Variants in ZNF532 observed in about 807,000 individuals in gnomAD.
The protein encoded by ZNF532 is zinc finger protein 532.
In ZNF532, 22 loss-of-function variants were observed where a neutral mutation model predicts 89.3. The ratio of observed to expected loss-of-function variants is 0.25; its 90% CI spans 0.18 to 0.35. ZNF532 has a LOEUF of 0.35. Ranked by LOEUF, ZNF532 falls within the 10% of genes least tolerant of loss-of-function variation. The probability of loss-of-function intolerance (pLI) is 1.00; values close to 1 mark genes in which losing one functional copy is unlikely to be tolerated. For synonymous variants in ZNF532, 606 were observed against 649.6 expected, an observed-to-expected ratio of 0.93 and a Z score of 1.02; for missense variants, 1,132 against 1,643.4, an observed-to-expected ratio of 0.69 and a Z score of 5.38.
intron 2 of ZNF532, among the ~76,000 whole-genome samples, chr18:58,891,808 A>G (rs2058922267): frequency 6.6e-6 from 1 of 152,174 alleles, no homozygotes; most frequent in Admixed American, 6.6e-5. Flanking sequence ...TGTGATACTA[A>G]GTGCCAGCCT....
chr18:58,899,841 G>T (rs28721406), intron 2 of ZNF532, among the ~76,000 whole-genome samples: 4,256 of 152,150 alleles, frequency 0.028, 220 homozygotes, highest in African/African-American at 0.097. Flanking sequence ...CTCTTCTATC[G>T]TCTGTCTTTA....
intron 7 of ZNF532, among the ~76,000 whole-genome samples, chr18:58,955,544 C>T (rs918896486): frequency 2.6e-5 from 4 of 152,128 alleles, no homozygotes; most frequent in African/African-American, 9.7e-5. Context: ...ATTAAATGTG[C>T]TAAGAACTAT....
chr18:58,929,049 A>G (rs747390819), intron 3 of ZNF532, among the ~76,000 whole-genome samples: 2 of 152,218 alleles, frequency 1.3e-5, no homozygotes, highest in African/African-American at 2.4e-5. Context: ...ACAGAATGCT[A>G]TAGGTCTTTT....
At chr18:58,939,895 ATT>A (rs201906499) in intron 5 of ZNF532, 700 of 189,134 alleles carry the variant, frequency 3.7e-3, no homozygotes, top group South Asian at 9.4e-3. Context: ...CTTAAGATGA[ATT>A]TTTTTTTTTT....
At chr18:58,931,344 A>G (rs1206935217) in intron 3 of ZNF532, among the ~76,000 whole-genome samples, 1 of 152,222 alleles carries the variant, frequency 6.6e-6, no homozygotes, top group Admixed American at 6.5e-5. Context: ...ATTACAGGCC[A>G]CAAAGAGATC....
At chr18:58,898,137 G>A (rs567064857) in intron 2 of ZNF532, among the ~76,000 whole-genome samples, 3 of 152,300 alleles carry the variant, frequency 2.0e-5, no homozygotes, top group Admixed American at 6.5e-5. Flanking sequence ...TCTAAATAAT[G>A]TGCTTACATT....
intron 5 of ZNF532, among the ~76,000 whole-genome samples, chr18:58,944,407 G>C (rs2063479694): frequency 6.6e-6 from 1 of 151,468 alleles, no homozygotes; most frequent in African/African-American, 2.4e-5. Context: ...TTGTGGTGTA[G>C]TCACCCTGCT....
At chr18:58,962,095 G>A (rs1240863939) in intron 7 of ZNF532, among the ~76,000 whole-genome samples, 1 of 152,026 alleles carries the variant, frequency 6.6e-6, no homozygotes, top group Non-Finnish European at 1.5e-5. Context: ...GCATGGTGGC[G>A]GGCATCTGTA....
At chr18:58,917,120 A>AC (rs1216606194) in intron 2 of ZNF532, among the ~76,000 whole-genome samples, 2 of 151,300 alleles carry the variant, frequency 1.3e-5, no homozygotes, top group Non-Finnish European at 3.0e-5. Context: ...CTCTTCTCTC[A>AC]CTCTCTTCTC....
intron 7 of ZNF532, among the ~76,000 whole-genome samples, chr18:58,959,539 A>C (rs2065147323): frequency 6.6e-6 from 1 of 152,142 alleles, no homozygotes; most frequent in African/African-American, 2.4e-5. Context: ...GGCATGAGCC[A>C]GTGCACTCGG....
chr18:58,872,493 G>A (rs1244077182), intron 2 of ZNF532, among the ~76,000 whole-genome samples: 1 of 152,102 alleles, frequency 6.6e-6, no homozygotes, highest in Non-Finnish European at 1.5e-5. Flanking sequence ...AAAAAGGTTA[G>A]AAAATTCAAA....
chr18:58,979,286 A>G (rs779511179), intron 8 of ZNF532, 119 bp downstream of exon 8: 42 of 592,836 alleles, frequency 7.1e-5, no homozygotes, highest in Non-Finnish European at 7.6e-5. Flanking sequence ...ACATTTCTCA[A>G]TTGTATTATT....
rs186121893 is a variant in ZNF532, at chr18:58,939,155, G to A, written c.2529-290G>A. Among the ~76,000 whole-genome samples, 1,301 of 144,080 alleles carry A rather than the reference G, an allele frequency of 9.0e-3. 71 individuals are homozygous for A. Among genetic ancestry groups the A allele is most frequent in the Admixed American group, 0.082 (1,148 of 13,918 alleles). The allele number at this position is 144,080 out of a possible 152,430, so 94.5% of individuals were successfully genotyped here. A position where few individuals can be genotyped will look rare whatever the true frequency, so the allele number is the denominator to read the frequency against. On this transcript the variant is annotated intron_variant, in intron 4 of 9. Transcript: ENST00000591808. ...CCAGCTACTTGGGAGGCTGAGGCAC[G>A]AGAATTGCTTGAACCTGGGAGGTGG...
chr18:58,886,207 C>A (rs1384426599), intron 2 of ZNF532, among the ~76,000 whole-genome samples: 1 of 152,172 alleles, frequency 6.6e-6, no homozygotes, highest in East Asian at 1.9e-4. Flanking sequence ...TCTCGAACTC[C>A]TGGCCTCAAG....
chr18:58,929,193 G>T (rs1376638413), intron 3 of ZNF532, among the ~76,000 whole-genome samples: 1 of 152,210 alleles, frequency 6.6e-6, no homozygotes, highest in Non-Finnish European at 1.5e-5. Context: ...GGCTCTTACA[G>T]CCGGAGGGAC....
rs145453574 is a variant in ZNF532 at position 58,939,536 on chromosome 18, A to G, written c.2620A>G (p.Ile874Val). The G allele has an allele frequency of 6.1e-5, 99 of 1,614,080 alleles. No individual in the cohort carries two copies. Among genetic ancestry groups the G allele is most frequent in the Admixed American group, 1.0e-4 (6 of 60,004 alleles). Residue 874 changes from isoleucine to valine, a missense_variant, in exon 5 of 10, where the codon ATT (isoleucine) becomes GTT (valine). Physicochemically the swap from Ile to Val is conservative, Grantham distance 29. This residue lies in a region of ZNF532 where 415 missense variants were observed against 604.8 expected (regional missense o/e 0.69). Transcript: ENST00000591808. ...CTGTGAAGTCTTCTACAAGTGTCCT[A>G]TTTGTCCAATGGCGTTTAAGTCTGC... ...SHCEVFYKCP[I>V]CPMAFKSAPS...
intron 3 of ZNF532, among the ~76,000 whole-genome samples, chr18:58,928,047 C>T (rs1317327589): frequency 2.6e-5 from 4 of 152,164 alleles, no homozygotes; most frequent in Non-Finnish European, 4.4e-5. Context: ...GTCACTATCC[C>T]CTTTTTTATC....
At chr18:58,907,911 G>C (rs1196221603) in intron 2 of ZNF532, among the ~76,000 whole-genome samples, 3 of 152,162 alleles carry the variant, frequency 2.0e-5, no homozygotes, top group Admixed American at 2.0e-4. Context: ...GCCGCAGTCT[G>C]ACTAGGAAGG....
At chr18:58,895,682 C>T (rs571466969) in intron 2 of ZNF532, among the ~76,000 whole-genome samples, 1 of 152,234 alleles carries the variant, frequency 6.6e-6, no homozygotes, top group South Asian at 2.1e-4. Flanking sequence ...GGATCTAAGT[C>T]ACAGAAATGG....
Sources: gnomAD v4.1 joint callset for allele counts (sites outside exome capture counted in the v4.1 genomes callset) on GRCh38, gnomAD v4.1.1 for gene constraint, gnomAD v4.1.1 regional missense constraint, MANE v1.5 for transcripts, NCBI Gene and HGNC (gene_info 2026-07-23, HGNC 2026-07-21) for gene names.